Variants in CES5A observed in about 807,000 individuals in gnomAD.
The protein encoded by CES5A is carboxylesterase 5.
In CES5A, 67 loss-of-function variants were observed where a neutral mutation model predicts 62.9. That is an observed-to-expected ratio of 1.07 (90% CI 0.88 to 1.31). CES5A has a LOEUF of 1.31. CES5A is among the 50% of genes most tolerant of loss of function. The pLI is 0.00. For missense variants in CES5A, 748 were observed against 708.5 expected (o/e 1.06, Z -0.63); for synonymous variants, 296 against 280.8 (o/e 1.05, Z -0.54).
At chr16:55,949,979 C>T (rs2034537363) in intron 1 of CES5A, 5 of 583,510 alleles carry the variant, frequency 8.6e-6, no homozygotes, top group East Asian at 6.7e-5. Flanking sequence ...ATAACCAATA[C>T]AGCATATAAG....
upstream of CES5A, among the ~76,000 whole-genome samples, chr16:55,877,233 C>A (rs1452195551): frequency 6.6e-6 from 1 of 151,984 alleles, no homozygotes; most frequent in African/African-American, 2.4e-5. Context: ...GGGTGGGGAG[C>A]AAATATGAGA....
intron 1 of CES5A, among the ~76,000 whole-genome samples, chr16:55,919,917 T>G (rs2034185393): frequency 6.6e-6 from 1 of 152,170 alleles, no homozygotes; most frequent in African/African-American, 2.4e-5. Flanking sequence ...CTATAGTTAT[T>G]ATCCCTATTC....
chr16:55,920,583 T>A (rs2034194586), intron 1 of CES5A, among the ~76,000 whole-genome samples: 2 of 152,212 alleles, frequency 1.3e-5, no homozygotes, highest in Admixed American at 6.5e-5. Context: ...CTTAAAGCGC[T>A]ACCTAGAGTT....
upstream of CES5A, among the ~76,000 whole-genome samples, chr16:55,876,412 C>T (rs141562284): frequency 3.7e-4 from 57 of 152,216 alleles, 1 homozygote; most frequent in South Asian, 5.6e-3. Flanking sequence ...ACCATTACAA[C>T]GAAAGGGTGG....
chr16:55,948,360 C>T (rs2034519142), intron 2 of CES5A, among the ~76,000 whole-genome samples: 1 of 152,118 alleles, frequency 6.6e-6, no homozygotes. Context: ...GAGGAACAGT[C>T]AATTATGCAT....
At chr16:55,947,013 A>G (rs1417972978) in intron 2 of CES5A, among the ~76,000 whole-genome samples, 6 of 152,198 alleles carry the variant, frequency 3.9e-5, no homozygotes, top group Non-Finnish European at 7.3e-5. Context: ...GCCCAATGTG[A>G]GGCCAAAGCA....
At chr16:55,920,140 C>T (rs755889965) in intron 1 of CES5A, among the ~76,000 whole-genome samples, 1 of 152,098 alleles carries the variant, frequency 6.6e-6, no homozygotes, top group Non-Finnish European at 1.5e-5. Context: ...GCTGCAGAGA[C>T]GTGAAAAAAC....
intron 10 of CES5A, among the ~76,000 whole-genome samples, chr16:55,850,196 T>C (rs144206429): frequency 2.5e-3 from 384 of 152,370 alleles, no homozygotes; most frequent in South Asian, 0.023. Context: ...CTTCTCATTT[T>C]CTTAACAATA....
intron 1 of CES5A, among the ~76,000 whole-genome samples, chr16:55,896,939 C>T (rs2033940327): frequency 6.6e-6 from 1 of 152,102 alleles, no homozygotes; most frequent in African/African-American, 2.4e-5. Flanking sequence ...CTTACTTTAC[C>T]TACCTGAGGA....
intron 2 of CES5A, among the ~76,000 whole-genome samples, chr16:55,938,801 C>CAT (rs1334814515): frequency 6.8e-5 from 6 of 88,660 alleles, no homozygotes; most frequent in African/African-American, 2.6e-4. Flanking sequence ...TATATATACA[C>CAT]ACATATATAT....
intron 1 of CES5A, among the ~76,000 whole-genome samples, chr16:55,912,559 T>A (rs984875617): frequency 5.5e-5 from 8 of 146,452 alleles, no homozygotes; most frequent in Non-Finnish European, 1.1e-4. Context: ...GAGAATGAGA[T>A]GGATGAGGAC....
intron 1 of CES5A, among the ~76,000 whole-genome samples, chr16:55,898,425 A>G (rs1449987372): frequency 6.6e-6 from 1 of 152,192 alleles, no homozygotes; most frequent in Admixed American, 6.5e-5. Flanking sequence ...AATCAGGAAA[A>G]AAAGCTAGTT....
At chr16:55,923,985 C>CT (rs1221899796) in intron 1 of CES5A, among the ~76,000 whole-genome samples, 2 of 151,730 alleles carry the variant, frequency 1.3e-5, no homozygotes, top group African/African-American at 4.8e-5. Flanking sequence ...AATTAAAGGC[C>CT]TTTTCCCTAA....
chr16:55,884,578 C>T (rs1298419542), intron 1 of CES5A, among the ~76,000 whole-genome samples: 2 of 150,482 alleles, frequency 1.3e-5, no homozygotes, highest in African/African-American at 2.4e-5. Context: ...GGCCACCCCA[C>T]AACCACCACT....
At chr16:55,897,927 GA>G (rs2033950972) in intron 1 of CES5A, among the ~76,000 whole-genome samples, 1 of 152,216 alleles carries the variant, frequency 6.6e-6, no homozygotes, top group Non-Finnish European at 1.5e-5. Context: ...GCCATGAAAT[GA>G]ATGAATTTCC....
intron 1 of CES5A, among the ~76,000 whole-genome samples, chr16:55,890,739 T>C (rs1458470830): frequency 2.6e-5 from 4 of 152,052 alleles, no homozygotes; most frequent in Non-Finnish European, 4.4e-5. Flanking sequence ...TGCCCAAATA[T>C]CCAAGGGGTC....
At chr16:55,883,706 G>A (rs1303685081) in intron 1 of CES5A, among the ~76,000 whole-genome samples, 2 of 152,140 alleles carry the variant, frequency 1.3e-5, no homozygotes, top group African/African-American at 4.8e-5. Context: ...AGTTTCAGAG[G>A]TTTCTATTTC....
chr16:55,863,390 G>T lies in CES5A; in HGVS notation c.768C>A (p.Ile256=). Residue 256 remains isoleucine, a synonymous_variant, in exon 6 of 13, where the codon ATC becomes ATA. Coordinates refer to ENST00000290567, the MANE Select transcript of CES5A (RefSeq NM_001143685.2). ...HKAIMESGVA[I]IPYLEAHDYE... ...AATCATGGGCCTCCAGGTAAGGGAT[G>T]ATGGCCACCCCACTCTCCATGATGG... The T allele has an allele frequency of 1.2e-6, 2 of 1,609,378 alleles. No individual in the cohort carries two copies. Among genetic ancestry groups the T allele is most frequent in the South Asian group, 1.1e-5 (1 of 90,950 alleles).
chr16:55,853,021 G>T lies in CES5A; in HGVS notation c.1133C>A (p.Pro378Gln). ...AGCCACAAGGTGCAAATACTGAGGC[G>T]GGATGTGCTGTAAAAATATCGTAGT... is the stretch of plus-strand genomic sequence containing the variant. ...LHLIQNILHI[P>Q]PQYLHLVANE... The change falls in exon 10 of 13, where the codon CCG becomes CAG. Residue 378 changes from proline (P) to glutamine (Q), a missense_variant. Transcript: ENST00000290567. 1 of 1,614,010 alleles carries T rather than the reference G, an allele frequency of 6.2e-7. No individual in the cohort carries two copies. The highest frequency in any genetic ancestry group is 8.5e-7 in the Non-Finnish European group (1 of 1,179,972).
Sources: allele counts gnomAD v4.1 joint callset (sites outside exome capture counted in the v4.1 genomes callset), GRCh38; gene constraint gnomAD v4.1.1; transcripts MANE v1.5; gene names NCBI Gene and HGNC (gene_info 2026-07-23, HGNC 2026-07-21).